The following GNAS variants were observed in gnomAD, a reference collection of about 807,000 sequenced individuals.
GNAS encodes GNAS complex locus.
Under a neutral mutation model 54.5 loss-of-function variants are expected in GNAS, and 8 were observed. That is an observed-to-expected ratio of 0.15 (90% CI 0.09 to 0.26). The LOEUF (loss-of-function observed/expected upper bound fraction) is 0.26, where lower values mean the gene tolerates loss of function less well. Ranked by LOEUF, GNAS falls within the 10% of genes least tolerant of loss-of-function variation. The pLI is 1.00. For missense variants in GNAS, 170 were observed against 529.8 expected, an observed-to-expected ratio of 0.32 and a Z score of 6.67; for synonymous variants, 204 against 191.4, an observed-to-expected ratio of 1.07 and a Z score of -0.54.
Position 58,891,796 on chromosome 20 carries a change from A to G in GNAS, c.70A>G (p.Lys24Glu). 7.8e-7 allele frequency: 1 copy of G among 1,288,474 alleles called. No individual in the cohort carries two copies. Among genetic ancestry groups the G allele is most frequent in the Non-Finnish European group, 1.0e-6 (1 of 978,074 alleles). The allele number at this position is 1,288,474 out of a possible 1,614,324, so 79.8% of individuals were successfully genotyped here. A position where few individuals can be genotyped will look rare whatever the true frequency, so the allele number is the denominator to read the frequency against. ...NEEKAQREAN[K>E]KIEKQLQKDK... ...GGAGAAGGCGCAGCGTGAGGCCAAC[A>G]AAAAGATCGAGAAGCAGCTGCAGAA... Residue 24 changes from lysine (K) to glutamate (E), a missense_variant, in exon 1 of 13, where the codon AAA (lysine) becomes GAA (glutamate). Physicochemically the swap from Lys to Glu is moderately conservative, Grantham distance 56. Around this residue, in one of 3 missense-constraint regions of GNAS, gnomAD observed 56 missense variants for 55.7 expected, o/e 1.01. Transcript: ENST00000371085.
At chr20:58,895,295 A>G in intron 1 of GNAS, 1 of 395,052 alleles carries the variant, frequency 2.5e-6, no homozygotes, top group Non-Finnish European at 4.8e-6. Flanking sequence ...AAATGACAAA[A>G]TTGCGTCATT....
Position 58,909,146 on chromosome 20 carries a change from T to C in GNAS, c.531-16T>C. On this transcript the variant is annotated splice_polypyrimidine_tract_variant and intron_variant, in intron 6 of 12. Coordinates refer to ENST00000371085, the MANE Select transcript of GNAS (RefSeq NM_000516.7). This position sits in a 1 kb window ranked among gnomAD's most constrained non-coding sequence, Gnocchi z 7.3. ...GAGCGCTGTGAACACCCCACGTGTC[T>C]TTCTTTTTCTCCCAGCTTCCTGGAC... 1 of 1,604,912 alleles carries C rather than the reference T, an allele frequency of 6.2e-7. No homozygotes were observed. The highest frequency in any genetic ancestry group is 8.5e-7 in the Non-Finnish European group (1 of 1,171,768).
chr20:58,878,912 T>TGGGGGGGGGGGGGGGGGGGGGGGGGGG (rs11086659), intron 1 of GNAS, among the ~76,000 whole-genome samples: 3 of 95,386 alleles, frequency 3.1e-5, no homozygotes, highest in Admixed American at 1.1e-4. Flanking sequence ...GGGGTGCGGG[T>TGGGGGGGGGGGGGGGGGGGGGGGGGGG]GGGGGGGGGA....
intron 1 of GNAS, among the ~76,000 whole-genome samples, chr20:58,869,899 G>A (rs1221947047): frequency 6.6e-6 from 1 of 152,182 alleles, no homozygotes; most frequent in East Asian, 1.9e-4. Context: ...TTCCACGGGA[G>A]GGGAAGCTGG....
At chr20:58,855,109 C>T (rs994789183) in intron 1 of GNAS, 7 of 1,613,572 alleles carry the variant, frequency 4.3e-6, no homozygotes, top group Non-Finnish European at 5.9e-6. Flanking sequence ...CTCGTGCAAG[C>T]CTTCGGGGGC....
At position 58,853,233 on chromosome 20, in the gene GNAS, C is replaced by T; in HGVS notation, c.43+12347C>T. On this transcript the variant is annotated intron_variant, in intron 1 of 12. Transcript: ENST00000306090. The surrounding 1 kb of genome is among the most constrained non-coding windows in gnomAD (Gnocchi z 4.4). The stretch of plus-strand genomic sequence containing the variant: ...GGTTGGGTGCTCCATCTTACGGAGC[C>T]CCAAACTTATTTTGAGAGGCCGCCA... 1 of 1,517,428 alleles carries T rather than the reference C, an allele frequency of 6.6e-7. No homozygotes were observed. Among genetic ancestry groups the T allele is most frequent in the Non-Finnish European group, 8.9e-7 (1 of 1,127,324 alleles). 94.0% of individuals were successfully genotyped at this position (1,517,428 alleles called of 1,614,324 possible).
In GNAS at chr20:58,853,318, T is replaced by TC; in HGVS notation, c.43+12438dup. The TC allele has an allele frequency of 6.5e-7, 1 of 1,549,990 alleles. No homozygotes were observed. The highest frequency in any genetic ancestry group is 8.7e-7 in the Non-Finnish European group (1 of 1,146,572). On this transcript the variant is annotated intron_variant, in intron 1 of 12. Coordinates refer to the GNAS transcript ENST00000306090. The surrounding 1 kb of genome is among the most constrained non-coding windows in gnomAD (Gnocchi z 4.4). ...AATAATATGTCAGGACAACGCGATA[T>TC]CCCCCCTGAAATCGGGGAACAGCCC...
Position 58,841,661 on chromosome 20 carries a change from A to C in GNAS, c.43+775A>C. On this transcript the variant is annotated intron_variant, in intron 1 of 12. Coordinates refer to the GNAS transcript ENST00000306090. The surrounding 1 kb of genome is among the most constrained non-coding windows in gnomAD (Gnocchi z 5.0). ...CTCCCGGCGGCGGGCGGTTAGGGGA[A>C]AGTACCTGGGGGAAAGGTAGAGGAG... is the stretch of plus-strand genomic sequence containing the variant. 1.8e-6 allele frequency: 2 copies of C among 1,138,550 alleles called. No homozygotes were observed. Among genetic ancestry groups the C allele is most frequent in the Non-Finnish European group, 1.1e-6 (1 of 928,306 alleles). 70.5% of individuals were successfully genotyped at this position (1,138,550 alleles called of 1,614,324 possible).
chr20:58,903,516 T>C lies in GNAS; in HGVS notation c.258-15T>C. The stretch of plus-strand genomic sequence containing the variant: ...GGTGCAATATGATTTTCTTTTCTTT[T>C]CAATCCCACTGCAGTGAGAAGGCAA... On this transcript the variant is annotated splice_polypyrimidine_tract_variant and intron_variant, in intron 3 of 12. Transcript: ENST00000371085. 4 of 1,609,350 alleles carry C rather than the reference T, an allele frequency of 2.5e-6. No homozygotes were observed. Among genetic ancestry groups the C allele is most frequent in the Non-Finnish European group, 3.4e-6 (4 of 1,175,664 alleles).
intron 1 of GNAS, among the ~76,000 whole-genome samples, chr20:58,882,309 G>A (rs2088284776): frequency 6.6e-6 from 1 of 152,072 alleles, no homozygotes; most frequent in Non-Finnish European, 1.5e-5. Context: ...CGCCTGCCTC[G>A]GCCTCCCAAA....
intron 3 of GNAS, among the ~76,000 whole-genome samples, chr20:58,899,725 C>T (rs1251599026): frequency 2.6e-5 from 4 of 151,788 alleles, no homozygotes; most frequent in South Asian, 2.1e-4. Context: ...CACAGCCACA[C>T]GCGCCGCGCA....
chr20:58,876,410 T>C (rs769433148), intron 1 of GNAS, among the ~76,000 whole-genome samples: 9 of 152,104 alleles, frequency 5.9e-5, no homozygotes, highest in Non-Finnish European at 1.2e-4. Context: ...TTTTTTAATG[T>C]CACCCACCTG....
chr20:58,888,676 G>A (rs566772011), upstream of GNAS: 4 of 152,170 alleles, frequency 2.6e-5, no homozygotes, highest in African/African-American at 7.2e-5. Flanking sequence ...GCTTCGAGCA[G>A]GGGAGGCTTT....
At position 58,841,971 on chromosome 20, in the gene GNAS, T is replaced by G; in HGVS notation, c.43+1085T>G. 1 of 1,068,796 alleles carries G rather than the reference T, an allele frequency of 9.4e-7. No homozygotes were observed. Among genetic ancestry groups the G allele is most frequent in the Non-Finnish European group, 1.2e-6 (1 of 839,076 alleles). 66.2% of individuals were successfully genotyped at this position (1,068,796 alleles called of 1,614,324 possible). On this transcript the variant is annotated intron_variant, in intron 1 of 12. Transcript: ENST00000306090. This position sits in a 1 kb window ranked among gnomAD's most constrained non-coding sequence, Gnocchi z 5.0. ...CCAAAGAGCGCGGTACGCGCAGAGC[T>G]GGGGAAAGGTGTTGGATCCGGCGCC...
chr20:58,888,259 G>A (rs2088736788), upstream of GNAS, among the ~76,000 whole-genome samples: 1 of 152,148 alleles, frequency 6.6e-6, no homozygotes, highest in African/African-American at 2.4e-5. Context: ...GTCTTAGCCT[G>A]ATTACCTGGC....
At position 58,853,095 on chromosome 20, in the gene GNAS, C is replaced by T; in HGVS notation, c.43+12209C>T. ...GTTGCTTCAGCCTCAGTCTAGGGTT[C>T]CTTCCAGGCCTTGAACCCCCCAACC... On this transcript the variant is annotated intron_variant, in intron 1 of 12. Transcript: ENST00000306090. The surrounding 1 kb of genome is among the most constrained non-coding windows in gnomAD (Gnocchi z 4.4). 7.1e-7 allele frequency: 1 copy of T among 1,417,108 alleles called. No individual in the cohort carries two copies. The highest frequency in any genetic ancestry group is 9.2e-7 in the Non-Finnish European group (1 of 1,091,664). The allele number at this position is 1,417,108 out of a possible 1,614,324, so 87.8% of individuals were successfully genotyped here.
chr20:58,854,833 G>A (rs756192343), intron 1 of GNAS: 11 of 1,595,418 alleles, frequency 6.9e-6, no homozygotes, highest in Non-Finnish European at 8.5e-6. Context: ...TCCGGGGCCA[G>A]ACGCAAGATC....
intron 3 of GNAS, chr20:58,899,410 TCC>T: frequency 1.9e-6 from 1 of 518,506 alleles, no homozygotes; most frequent in Admixed American, 2.3e-5. Flanking sequence ...AAAATTTGTT[TCC>T]TTTATTAAAA....
intron 1 of GNAS, among the ~76,000 whole-genome samples, chr20:58,865,455 T>TG (rs2087003690): frequency 6.8e-6 from 1 of 147,838 alleles, no homozygotes; most frequent in East Asian, 1.9e-4. Flanking sequence ...TTATATTATA[T>TG]ATATATCATA....
Sources: allele counts gnomAD v4.1 joint callset (sites outside exome capture counted in the v4.1 genomes callset), GRCh38; gene constraint gnomAD v4.1.1; regional missense constraint gnomAD v4.1.1; non-coding constraint Gnocchi (gnomAD v3.1); transcripts MANE v1.5; gene names NCBI Gene and HGNC (gene_info 2026-07-23, HGNC 2026-07-21).